The following LUZP2 variants were observed in gnomAD, a reference collection of about 807,000 sequenced individuals.
The protein encoded by LUZP2 is leucine zipper protein 2.
In LUZP2, 52 loss-of-function variants were observed where a neutral mutation model predicts 51.6. The observed-to-expected ratio is 1.01, with a 90% CI of 0.81 to 1.27. The LOEUF (loss-of-function observed/expected upper bound fraction) is 1.27, where lower values mean the gene tolerates loss of function less well. Ranked by LOEUF, LUZP2 falls within the 50% of genes most tolerant of loss-of-function variation. The probability of loss-of-function intolerance (pLI) is 0.00; values close to 1 mark genes in which losing one functional copy is unlikely to be tolerated. For missense variants in LUZP2, 436 were observed against 395.4 expected (o/e 1.10, Z -0.87); for synonymous variants, 154 against 137.3 (o/e 1.12, Z -0.85).
At chr11:24,935,809 G>A in intron 7 of LUZP2, among the ~76,000 whole-genome samples, 1 of 152,066 alleles carries the variant, frequency 6.6e-6, no homozygotes, top group East Asian at 1.9e-4. Flanking sequence ...AATTTGGAAA[G>A]AATGGTAAAA....
chr11:24,715,121 T>G (rs1857986785), intron 1 of LUZP2, among the ~76,000 whole-genome samples: 1 of 151,794 alleles, frequency 6.6e-6, no homozygotes, highest in African/African-American at 2.4e-5. Flanking sequence ...GTGGACAGAG[T>G]GAACAATGAA....
intron 1 of LUZP2, among the ~76,000 whole-genome samples, chr11:24,557,786 A>G (rs909030477): frequency 1.3e-5 from 2 of 152,156 alleles, no homozygotes; most frequent in Admixed American, 1.3e-4. Flanking sequence ...AGATAGTGCA[A>G]TGGGTGAATC....
At chr11:24,690,371 C>T (rs912698379) in intron 1 of LUZP2, among the ~76,000 whole-genome samples, 1 of 152,036 alleles carries the variant, frequency 6.6e-6, no homozygotes, top group Admixed American at 6.6e-5. Context: ...TTTAATTTCA[C>T]TTTTACAAAA....
At chr11:24,999,375 G>C (rs1024780373) in intron 9 of LUZP2, among the ~76,000 whole-genome samples, 1 of 150,792 alleles carries the variant, frequency 6.6e-6, no homozygotes, top group African/African-American at 2.4e-5. Flanking sequence ...GAGGAGGAAG[G>C]AGGAGGAGCA....
intron 1 of LUZP2, among the ~76,000 whole-genome samples, chr11:24,667,931 A>T (rs965462376): frequency 6.6e-6 from 1 of 152,218 alleles, no homozygotes; most frequent in Non-Finnish European, 1.5e-5. Flanking sequence ...CACATGATAG[A>T]TATTTTCCTC....
chr11:25,030,741 T>G (rs1857621680), intron 9 of LUZP2, among the ~76,000 whole-genome samples: 1 of 150,042 alleles, frequency 6.7e-6, no homozygotes, highest in African/African-American at 2.4e-5. Context: ...GACTATGTAT[T>G]TACCATTTTC....
At position 24,929,635 on chromosome 11, in the gene LUZP2, C is replaced by T. The variant is rs187500034; in HGVS notation, c.522+15097C>T. On this transcript the variant is annotated intron_variant, in intron 7 of 11. Coordinates refer to ENST00000336930, the MANE Select transcript of LUZP2 (RefSeq NM_001009909.4). ...ATTGACTGACACTTGTTTTGTGGCCCGTCATATGGTCTATCTTGGAGAATG... is the reference window on the plus strand; with the variant it reads ...ATTGACTGACACTTGTTTTGTGGCCTGTCATATGGTCTATCTTGGAGAATG... Among the ~76,000 whole-genome samples the T allele has an allele frequency of 1.8e-4, 27 of 151,900 alleles. 1 individual carries two copies. In the East Asian group the frequency reaches 2.5e-3, roughly 14 times the overall value.
intron 2 of LUZP2, among the ~76,000 whole-genome samples, chr11:24,731,884 C>T (rs16913118): frequency 0.22 from 33,263 of 151,542 alleles, 4,308 homozygotes; most frequent in African/African-American, 0.36. Flanking sequence ...AGAGTAGTTT[C>T]TCCTCCATCG....
intron 1 of LUZP2, among the ~76,000 whole-genome samples, chr11:24,700,645 G>A (rs1019969225): frequency 4.6e-5 from 7 of 151,968 alleles, no homozygotes; most frequent in African/African-American, 1.4e-4. Context: ...ATAATGTACC[G>A]TAATTTTGTT....
At chr11:24,525,902 G>A (rs1260583563) in intron 1 of LUZP2, among the ~76,000 whole-genome samples, 2 of 151,278 alleles carry the variant, frequency 1.3e-5, no homozygotes, top group Non-Finnish European at 3.0e-5. Flanking sequence ...TAAGGGAGGT[G>A]CTTTGAAACT....
chr11:24,582,652 T>C (rs1852909559), intron 1 of LUZP2, among the ~76,000 whole-genome samples: 1 of 152,016 alleles, frequency 6.6e-6, no homozygotes, highest in African/African-American at 2.4e-5. Flanking sequence ...AGCAGCAGAG[T>C]ATACAGTTAG....
At chr11:24,656,584 T>A (rs746322335) in intron 1 of LUZP2, among the ~76,000 whole-genome samples, 3 of 152,198 alleles carry the variant, frequency 2.0e-5, no homozygotes, top group Non-Finnish European at 4.4e-5. Context: ...CAGGAGGCTC[T>A]GGGAAAGAAT....
Position 24,809,200 on chromosome 11 carries a change from T to G in LUZP2, c.396+45892T>G, listed in dbSNP as rs1050778461. Among the ~76,000 whole-genome samples the G allele has an allele frequency of 2.6e-5, 4 of 152,092 alleles. No homozygotes were observed. In the East Asian group the frequency reaches 7.7e-4, roughly 29 times the overall value. Reference sequence around the variant, plus strand: ...ATTCTAAAAATGTTTCATATCACTTTGCCAAAACAAATATTATAAATTAAC... The same window carrying G: ...ATTCTAAAAATGTTTCATATCACTTGGCCAAAACAAATATTATAAATTAAC... On this transcript the variant is annotated intron_variant, in intron 5 of 11. Transcript: ENST00000336930.
In LUZP2 at chr11:25,081,091, T is replaced by C. The variant is rs1859448551; in HGVS notation, c.*2433T>C. ...TCTTGTTGCCCAGGCTGGAGTGCAA[T>C]GGAGCGATCTTGGCTCACTGCAACT... On this transcript the variant is annotated 3_prime_UTR_variant, in exon 12 of 12. Coordinates refer to ENST00000336930, the MANE Select transcript of LUZP2 (RefSeq NM_001009909.4). The C allele has an allele frequency of 7.6e-6, 1 of 131,896 alleles. No individual in the cohort carries two copies. Among genetic ancestry groups the C allele is most frequent in the Non-Finnish European group, 1.6e-5 (1 of 63,934 alleles). 8.2% of individuals were successfully genotyped at this position (131,896 alleles called of 1,614,324 possible). A position where few individuals can be genotyped will look rare whatever the true frequency, so the allele number is the denominator to read the frequency against.
At chr11:24,549,456 C>T (rs72874841) in intron 1 of LUZP2, among the ~76,000 whole-genome samples, 1,993 of 152,110 alleles carry the variant, frequency 0.013, 18 homozygotes, top group South Asian at 0.024. Flanking sequence ...AATAAGTCTA[C>T]GGAGTACAAT....
At chr11:24,686,289 A>G (rs1259178952) in intron 1 of LUZP2, among the ~76,000 whole-genome samples, 1 of 151,992 alleles carries the variant, frequency 6.6e-6, no homozygotes, top group Non-Finnish European at 1.5e-5. Context: ...AGTTTCTAAC[A>G]TTTTCTTCTC....
rs1854297355 is a variant in LUZP2 at position 24,926,983 on chromosome 11, T to TAA, written c.522+12446_522+12447insAA. Among the ~76,000 whole-genome samples, 3 of 151,990 alleles carry TAA rather than the reference T, an allele frequency of 2.0e-5. No homozygotes were observed. The South Asian group carries it at 6.2e-4, about 31-fold the overall frequency. The stretch of plus-strand genomic sequence containing the variant: ...AGTATCACATTATGGTTTTAATTTG[T>TAA]ATTTCTCTGATTTTTAGAAATGTTG... On this transcript the variant is annotated intron_variant, in intron 7 of 11. Transcript: ENST00000336930.
intron 9 of LUZP2, among the ~76,000 whole-genome samples, chr11:25,018,612 T>G (rs1857234820): frequency 2.3e-5 from 2 of 86,240 alleles, no homozygotes; most frequent in Admixed American, 2.1e-4. Context: ...CCTTTTTTTT[T>G]TTTTTTTTTT....
chr11:24,717,840 A>G (rs1185418104), intron 1 of LUZP2, among the ~76,000 whole-genome samples: 1 of 146,334 alleles, frequency 6.8e-6, no homozygotes. Flanking sequence ...TATAAACGAG[A>G]GCATGTGATA....
Sources: gnomAD v4.1 joint callset for allele counts (sites outside exome capture counted in the v4.1 genomes callset) on GRCh38, gnomAD v4.1.1 for gene constraint, MANE v1.5 for transcripts, NCBI Gene and HGNC (gene_info 2026-07-23, HGNC 2026-07-21) for gene names.